PTGFRN: variants seen among roughly 807,000 people sequenced by gnomAD.
The protein encoded by PTGFRN is prostaglandin F2 receptor negative regulator.
In PTGFRN, 35 loss-of-function variants were observed where a neutral mutation model predicts 83.2. The ratio of observed to expected loss-of-function variants is 0.42; its 90% confidence interval spans 0.32 to 0.56. PTGFRN has a LOEUF of 0.56. PTGFRN is among the 20% of genes least tolerant of loss of function. PTGFRN has a pLI of 0.11. For missense variants in PTGFRN, 1,051 were observed against 1,179.5 expected, an observed-to-expected ratio of 0.89 and a Z score of 1.60; for synonymous variants, 519 against 498.6, an observed-to-expected ratio of 1.04 and a Z score of -0.55.
In PTGFRN at chr1:116,961,230, G is replaced by A; in HGVS notation, c.1214-13G>A. ...ATTATTTTCCTATCCTGGCCTTTCTGTCTCTCGTTCAGAACCAGACTACCA... is the reference window on the plus strand; with the variant it reads ...ATTATTTTCCTATCCTGGCCTTTCTATCTCTCGTTCAGAACCAGACTACCA... On this transcript the variant is annotated splice_polypyrimidine_tract_variant and intron_variant, in intron 4 of 8. Coordinates refer to ENST00000393203, the MANE Select transcript of PTGFRN (RefSeq NM_020440.4). This position sits in a 1 kb window ranked among gnomAD's most constrained non-coding sequence, Gnocchi z 5.4. The A allele has an allele frequency of 4.0e-6, 6 of 1,499,790 alleles. No homozygotes were observed. Among genetic ancestry groups the A allele is most frequent in the Non-Finnish European group, 5.3e-6 (6 of 1,125,436 alleles). The allele number at this position is 1,499,790 out of a possible 1,614,324, so 92.9% of individuals were successfully genotyped here.
intron 1 of PTGFRN, among the ~76,000 whole-genome samples, chr1:116,919,052 A>G (rs1286453481): frequency 5.3e-5 from 8 of 152,184 alleles, no homozygotes; most frequent in Non-Finnish European, 1.0e-4. Flanking sequence ...CAAGAGAGGT[A>G]ACTTCTGAGT....
chr1:116,943,425 C>A (rs892892728), intron 2 of PTGFRN, among the ~76,000 whole-genome samples: 2 of 152,184 alleles, frequency 1.3e-5, no homozygotes, highest in East Asian at 1.9e-4. Context: ...CCCACCCGCA[C>A]CCCACTTCCT....
intron 4 of PTGFRN, among the ~76,000 whole-genome samples, chr1:116,953,234 A>C (rs774946758): frequency 3.9e-5 from 6 of 152,270 alleles, no homozygotes; most frequent in South Asian, 2.1e-4. Context: ...GCAGTGTGCC[A>C]GCAAGGAAGG....
chr1:116,953,781 A>T (rs1650408429), intron 4 of PTGFRN, among the ~76,000 whole-genome samples: 2 of 151,974 alleles, frequency 1.3e-5, no homozygotes, highest in South Asian at 4.2e-4. Flanking sequence ...TCCCTCTCAA[A>T]GCTAGTAATT....
chr1:116,944,779 C>G lies in PTGFRN; in HGVS notation c.519C>G (p.Ser173=). 6.4e-7 allele frequency: 1 copy of G among 1,558,294 alleles called. No homozygotes were observed. ...TCGAGCTGCGCTGCACCGCCGCCTCCGCCTCGCCGCTGCACACGCACCTGG... is the reference window on the plus strand; with the variant it reads ...TCGAGCTGCGCTGCACCGCCGCCTCGGCCTCGCCGCTGCACACGCACCTGG... ...EPFELRCTAA[S]ASPLHTHLAL... The change falls in exon 3 of 9, where the codon TCC becomes TCG. Residue 173 remains serine (S), a synonymous_variant. Transcript: ENST00000393203.
In PTGFRN at chr1:116,923,824, T is replaced by C. The variant is rs981705775; in HGVS notation, c.49+13572T>C. Among the ~76,000 whole-genome samples the C allele has an allele frequency of 4.6e-5, 7 of 152,150 alleles. No homozygotes were observed. The highest frequency in any genetic ancestry group is 1.7e-4 in the African/African-American group (7 of 41,428). On this transcript the variant is annotated intron_variant, in intron 1 of 8. Coordinates refer to ENST00000393203, the MANE Select transcript of PTGFRN (RefSeq NM_020440.4). This position sits in a 1 kb window ranked among gnomAD's most constrained non-coding sequence, Gnocchi z 4.0. The stretch of plus-strand genomic sequence containing the variant: ...GGGCCTGGTCTCACTGGGTAGTTAA[T>C]AACCACTATTTATTATCTGCCCCAT...
intron 7 of PTGFRN, among the ~76,000 whole-genome samples, chr1:116,978,536 G>C (rs1247255752): frequency 6.6e-6 from 1 of 152,198 alleles, no homozygotes; most frequent in Non-Finnish European, 1.5e-5. Flanking sequence ...GATCAAATGG[G>C]CTTCATCCCT....
chr1:116,949,745 G>T (rs1419922801), intron 4 of PTGFRN, among the ~76,000 whole-genome samples, 173 bp downstream of exon 4: 2 of 152,210 alleles, frequency 1.3e-5, no homozygotes, highest in African/African-American at 2.4e-5. Flanking sequence ...ATAGAATCTG[G>T]CAGACAAGGG....
At chr1:116,960,758 G>A (rs999525844) in intron 4 of PTGFRN, among the ~76,000 whole-genome samples, 4 of 152,182 alleles carry the variant, frequency 2.6e-5, no homozygotes, top group Non-Finnish European at 5.9e-5. Context: ...ATGACAGGAA[G>A]CTGAGCCACT....
Position 116,961,126 on chromosome 1 carries a change from G to A in PTGFRN, c.1214-117G>A, listed in dbSNP as rs564658862. 3.0e-5 allele frequency: 34 copies of A among 1,114,950 alleles called. No individual in the cohort carries two copies. In the East Asian group the frequency reaches 5.9e-4, roughly 19 times the overall value. 69.1% of individuals were successfully genotyped at this position (1,114,950 alleles called of 1,614,324 possible). On this transcript the variant is annotated intron_variant, in intron 4 of 8. Transcript: ENST00000393203. This position sits in a 1 kb window ranked among gnomAD's most constrained non-coding sequence, Gnocchi z 5.4. The stretch of plus-strand genomic sequence containing the variant: ...CGACTGATTTCTGTCTCTCTAGTCC[G>A]GCAGGAGAAGCATTTAATTGTTAAA...
Position 116,967,276 on chromosome 1 carries a change from C to T in PTGFRN, c.2005C>T (p.Arg669Ter), listed in dbSNP as rs1319107425. The T allele has an allele frequency of 3.1e-6, 5 of 1,614,144 alleles. No homozygotes were observed. The highest frequency in any genetic ancestry group is 3.4e-6 in the Non-Finnish European group (4 of 1,180,004). ...AWSPVRGSLW[R>*]EAATSLSNPI... ...GTCTCCTGTCAGGGGCAGCCTTTGG[C>T]GAGAAGCAGCAACCAGTCTCTCCAA... The change falls in exon 6 of 9, where the codon CGA (arginine) becomes TGA (stop). Residue 669 changes from arginine to a stop codon, truncating the protein, a stop_gained. Coordinates refer to ENST00000393203, the MANE Select transcript of PTGFRN (RefSeq NM_020440.4). LOFTEE classifies it high-confidence loss of function.
At chr1:116,967,401 A>AT in intron 6 of PTGFRN, 71 bp downstream of exon 6, 1 of 1,456,162 alleles carries the variant, frequency 6.9e-7, no homozygotes, top group Non-Finnish European at 9.3e-7. Flanking sequence ...AGATGCCCTC[A>AT]TTTTTTAAAA....
intron 4 of PTGFRN, among the ~76,000 whole-genome samples, chr1:116,954,780 T>C (rs1225163222): frequency 6.6e-6 from 1 of 152,194 alleles, no homozygotes; most frequent in Non-Finnish European, 1.5e-5. Context: ...CTAACTTAGC[T>C]CCTCTAACTT....
chr1:116,927,382 T>C (rs767067538), intron 1 of PTGFRN, among the ~76,000 whole-genome samples: 1 of 152,206 alleles, frequency 6.6e-6, no homozygotes, highest in Non-Finnish European at 1.5e-5. Context: ...GCCACAAAAC[T>C]GGAAGCAATG....
In PTGFRN at chr1:116,949,184, T is replaced by G; in HGVS notation, c.833-8T>G. On this transcript the variant is annotated splice_polypyrimidine_tract_variant and splice_region_variant and intron_variant, in intron 3 of 8. Coordinates refer to ENST00000393203, the MANE Select transcript of PTGFRN (RefSeq NM_020440.4). Reference sequence around the variant, plus strand: ...ATTACCTAGATGTATTTGTTTTTAATTTTCAAGTTCTGCGAGCAGCTGTGC... The same window carrying G: ...ATTACCTAGATGTATTTGTTTTTAAGTTTCAAGTTCTGCGAGCAGCTGTGC... 1 of 1,562,046 alleles carries G rather than the reference T, an allele frequency of 6.4e-7. No individual in the cohort carries two copies. The highest frequency in any genetic ancestry group is 2.3e-5 in the East Asian group (1 of 44,252).
At chr1:116,970,097 C>T (rs1275798811) in intron 6 of PTGFRN, among the ~76,000 whole-genome samples, 2 of 152,108 alleles carry the variant, frequency 1.3e-5, no homozygotes, top group African/African-American at 2.4e-5. Context: ...TTCTTTTTCT[C>T]GAGTAATTGC....
At chr1:116,911,738 G>A (rs1219414235) in intron 1 of PTGFRN, among the ~76,000 whole-genome samples, 1 of 152,208 alleles carries the variant, frequency 6.6e-6, no homozygotes, top group Non-Finnish European at 1.5e-5. Context: ...AAACTCCTGG[G>A]CTCAAGTCAT....
intron 1 of PTGFRN, among the ~76,000 whole-genome samples, chr1:116,925,156 AG>A (rs201271676): frequency 0.017 from 2,627 of 152,120 alleles, 87 homozygotes; most frequent in African/African-American, 0.06. Context: ...CAGCTGTCGC[AG>A]TGGCTTACAC....
intron 1 of PTGFRN, among the ~76,000 whole-genome samples, chr1:116,921,512 A>G (rs541930360): frequency 2.1e-4 from 32 of 152,262 alleles, no homozygotes; most frequent in Admixed American, 2.0e-3. Flanking sequence ...GGCATGACAC[A>G]GCACAGGGTA....
Sources: allele counts gnomAD v4.1 joint callset (sites outside exome capture counted in the v4.1 genomes callset), GRCh38; gene constraint gnomAD v4.1.1; non-coding constraint Gnocchi (gnomAD v3.1); transcripts MANE v1.5; gene names NCBI Gene and HGNC (gene_info 2026-07-23, HGNC 2026-07-21).